Variants in TMEM260 observed in about 807,000 individuals in gnomAD.
The protein encoded by TMEM260 is transmembrane protein 260.
A neutral mutation model predicts 88.9 loss-of-function variants in TMEM260; 82 were observed. The ratio of observed to expected loss-of-function variants is 0.92; its 90% CI spans 0.77 to 1.11. TMEM260 has a LOEUF of 1.11. TMEM260 is among the 50% of genes least tolerant of loss of function. The pLI, the probability that TMEM260 is intolerant of heterozygous loss-of-function variation, is 0.00. For missense variants in TMEM260, 902 were observed against 853.4 expected, an observed-to-expected ratio of 1.06 and a Z score of -0.71; for synonymous variants, 314 against 309.3, an observed-to-expected ratio of 1.02 and a Z score of -0.16.
At chr14:56,605,525 T>G in intron 4 of TMEM260, 45 bp from the exon 5 acceptor site, 1 of 1,105,712 alleles carries the variant, frequency 9.0e-7, no homozygotes, top group Non-Finnish European at 1.3e-6. Context: ...TCTTAGAGTT[T>G]TAGGTGAATT....
intron 12 of TMEM260, among the ~76,000 whole-genome samples, chr14:56,630,730 T>A (rs1888537941): frequency 6.6e-6 from 1 of 152,202 alleles, no homozygotes; most frequent in South Asian, 2.1e-4. Flanking sequence ...TTTTTCTGGT[T>A]CTTCATATGC....
At chr14:56,611,446 A>G (rs1287653125) in intron 6 of TMEM260, among the ~76,000 whole-genome samples, 4 of 152,226 alleles carry the variant, frequency 2.6e-5, no homozygotes, top group Non-Finnish European at 4.4e-5. Context: ...AAAAGTGCTC[A>G]GTATCACTAA....
chr14:56,630,705 C>T (rs1036582401), intron 12 of TMEM260, among the ~76,000 whole-genome samples: 58 of 151,942 alleles, frequency 3.8e-4, no homozygotes, highest in African/African-American at 1.3e-3. Flanking sequence ...TTGTTTTTTC[C>T]CTTATGAGTT....
chr14:56,641,569 T>A (rs1017510048), intron 15 of TMEM260, among the ~76,000 whole-genome samples: 1 of 152,090 alleles, frequency 6.6e-6, no homozygotes, highest in African/African-American at 2.4e-5. Flanking sequence ...ACATGCCAAA[T>A]GGTAAAGACC....
At position 56,643,415 on chromosome 14, in the gene TMEM260, A is replaced by G. The variant is rs371105173; in HGVS notation, c.1870-3828A>G. On this transcript the variant is annotated intron_variant, in intron 15 of 15. Transcript: ENST00000261556. ...CAGAACCAAAGACAAAAACCACATG[A>G]TTATCTCAATAGATGCAGAAAAGGC... Among the ~76,000 whole-genome samples the G allele has an allele frequency of 3.4e-4, 52 of 152,298 alleles. 1 individual carries two copies. In the East Asian group the frequency reaches 9.1e-3, roughly 27 times the overall value.
chr14:56,632,262 T>C (rs1310168193), intron 12 of TMEM260, among the ~76,000 whole-genome samples: 1 of 152,216 alleles, frequency 6.6e-6, no homozygotes, highest in Non-Finnish European at 1.5e-5. Flanking sequence ...TGCTGTGCCC[T>C]TCCTGTGACT....
chr14:56,627,689 G>C (rs755805792), intron 12 of TMEM260, among the ~76,000 whole-genome samples: 37 of 152,212 alleles, frequency 2.4e-4, no homozygotes, highest in Non-Finnish European at 5.0e-4. Flanking sequence ...ATCATCATAT[G>C]AAAGTTATCT....
chr14:56,585,193 T>G (rs534552614), intron 2 of TMEM260, among the ~76,000 whole-genome samples, 161 bp downstream of exon 2: 1 of 152,266 alleles, frequency 6.6e-6, no homozygotes, highest in South Asian at 2.1e-4. Context: ...AAGTTTTAAA[T>G]CCAATTAAAC....
At chr14:56,636,415 C>G in intron 14 of TMEM260, 93 bp from the exon 15 acceptor site, 1 of 941,834 alleles carries the variant, frequency 1.1e-6, no homozygotes, top group South Asian at 1.4e-5. Context: ...TTTTGTACAT[C>G]CCTTATCAGT....
intron 1 of TMEM260, among the ~76,000 whole-genome samples, chr14:56,581,018 G>A (rs1020591151): frequency 2.6e-5 from 4 of 152,166 alleles, no homozygotes; most frequent in Non-Finnish European, 4.4e-5. Flanking sequence ...GAAAAAGGTT[G>A]CTGTCATGGT....
At chr14:56,608,115 A>G (rs986152843) in intron 5 of TMEM260, among the ~76,000 whole-genome samples, 1 of 152,232 alleles carries the variant, frequency 6.6e-6, no homozygotes, top group Non-Finnish European at 1.5e-5. Context: ...AGAAATCTCA[A>G]ATGAAATCAG....
chr14:56,627,981 G>A (rs1020777897), intron 12 of TMEM260, among the ~76,000 whole-genome samples: 5 of 152,126 alleles, frequency 3.3e-5, no homozygotes, highest in African/African-American at 1.2e-4. Flanking sequence ...CTTTTCCTGA[G>A]TGTCATATAA....
intron 7 of TMEM260, among the ~76,000 whole-genome samples, chr14:56,615,268 TC>T (rs1013337190): frequency 2.6e-5 from 4 of 152,210 alleles, no homozygotes; most frequent in Admixed American, 6.5e-5. Context: ...TAGAGTCATT[TC>T]TTTTTTAACA....
intron 11 of TMEM260, among the ~76,000 whole-genome samples, chr14:56,625,047 A>C (rs1028262684): frequency 2.0e-5 from 3 of 152,216 alleles, no homozygotes; most frequent in Non-Finnish European, 4.4e-5. Flanking sequence ...GACAGGAGGC[A>C]GAGCACAGCA....
the TMEM260 span, among the ~76,000 whole-genome samples, chr14:56,659,253 TG>T: frequency 1.5e-5 from 2 of 135,428 alleles, no homozygotes; most frequent in Admixed American, 7.3e-5. Flanking sequence ...TTTTGTTTTT[TG>T]GTTTTTGTTT....
At chr14:56,604,450 T>C (rs753590288) in intron 4 of TMEM260, among the ~76,000 whole-genome samples, 4 of 152,168 alleles carry the variant, frequency 2.6e-5, no homozygotes, top group Non-Finnish European at 5.9e-5. Flanking sequence ...CAGAAGAGAT[T>C]ACAATGAATT....
In TMEM260 at chr14:56,605,593, C is replaced by T; in HGVS notation, c.546C>T (p.Cys182=). ...AGGTAGCTAAAATTGGTGCTTTCTG[C>T]TGTGGCCTTAGTTTATGTAACCAGC... ...RSKVAKIGAF[C]CGLSLCNQHT... Residue 182 remains cysteine, a synonymous_variant, in exon 5 of 16, where the codon TGC becomes TGT. Transcript: ENST00000261556. 1 of 1,557,202 alleles carries T rather than the reference C, an allele frequency of 6.4e-7. No homozygotes were observed. The highest frequency in any genetic ancestry group is 8.7e-7 in the Non-Finnish European group (1 of 1,153,742).
chr14:56,653,023 G>A (rs192047218), downstream of TMEM260, among the ~76,000 whole-genome samples: 253 of 152,294 alleles, frequency 1.7e-3, 2 homozygotes, highest in African/African-American at 5.8e-3. Context: ...GCCGGGCGCG[G>A]TGGCTCATGC....
intron 12 of TMEM260, among the ~76,000 whole-genome samples, chr14:56,628,400 ATTT>A (rs1178144442): frequency 6.6e-6 from 1 of 152,154 alleles, no homozygotes; most frequent in African/African-American, 2.4e-5. Flanking sequence ...GCAAAACTTT[ATTT>A]CTTTGAAGCT....
Sources: gnomAD v4.1 joint callset for allele counts (sites outside exome capture counted in the v4.1 genomes callset) on GRCh38, gnomAD v4.1.1 for gene constraint, MANE v1.5 for transcripts, NCBI Gene and HGNC (gene_info 2026-07-23, HGNC 2026-07-21) for gene names.